Variants in MRPL57 observed in about 807,000 individuals in gnomAD.
MRPL57 encodes the protein large ribosomal subunit protein mL63.
A neutral mutation model predicts 1.3 loss-of-function variants in MRPL57; 1 was observed. The observed-to-expected ratio is 0.79, with a 90% CI of 0.28 to 3.75. The LOEUF is 3.75. MRPL57 is among the 30% of genes most tolerant of loss of function. The pLI is 0.19. For synonymous variants in MRPL57, 79 were observed against 61.7 expected (o/e 1.28, Z -1.31); for missense variants, 170 against 148.9 (o/e 1.14, Z -0.74).
chr13:21,177,115 A>G lies in MRPL57; in HGVS notation c.199A>G (p.Arg67Gly). The change falls in exon 2 of 2, where the codon AGG becomes GGG. Residue 67 changes from arginine (R) to glycine (G), a missense_variant. Coordinates refer to ENST00000309594, the MANE Select transcript of MRPL57 (RefSeq NM_024026.5). Reference sequence around the variant, plus strand: ...GGAGCGCGGCCACGCCGCGGTGCGCAGGAGGGAGGCCTTCGAGGCCATAAA... The same window carrying G: ...GGAGCGCGGCCACGCCGCGGTGCGCGGGAGGGAGGCCTTCGAGGCCATAAA... ...EQERGHAAVR[R>G]REAFEAIKAA... The G allele has an allele frequency of 6.2e-7, 1 of 1,613,928 alleles. No individual in the cohort carries two copies. The highest frequency in any genetic ancestry group is 1.1e-5 in the South Asian group (1 of 91,092).
rs762049299 is a variant in MRPL57 at position 21,177,148 on chromosome 13, G to A, written c.232G>A (p.Ala78Thr). 3 of 1,614,102 alleles carry A rather than the reference G, an allele frequency of 1.9e-6. No individual in the cohort carries two copies. Among genetic ancestry groups the A allele is most frequent in the Non-Finnish European group, 2.5e-6 (3 of 1,180,032 alleles). Reference sequence around the variant, plus strand: ...GGCCTTCGAGGCCATAAAGGCGGCCGCCACTTCCAAGTTCCCCCCGCATAG... The same window carrying A: ...GGCCTTCGAGGCCATAAAGGCGGCCACCACTTCCAAGTTCCCCCCGCATAG... ...REAFEAIKAA[A>T]TSKFPPHRFI... is the part of the protein sequence containing the mutation. The change falls in exon 2 of 2, where the codon GCC (alanine) becomes ACC (threonine). Residue 78 changes from alanine to threonine, a missense_variant. Ala to Thr is a moderately conservative substitution (Grantham distance 58, BLOSUM62 0). Coordinates refer to ENST00000309594, the MANE Select transcript of MRPL57 (RefSeq NM_024026.5).
Position 21,177,342 on chromosome 13 carries a change from A to G in MRPL57, c.*117A>G. 6.6e-6 allele frequency: 7 copies of G among 1,053,748 alleles called. No individual in the cohort carries two copies. The South Asian group carries it at 1.0e-4, about 15-fold the overall frequency. The allele number at this position is 1,053,748 out of a possible 1,614,324, so 65.3% of individuals were successfully genotyped here. On this transcript the variant is annotated 3_prime_UTR_variant, in exon 2 of 2. Coordinates refer to ENST00000309594, the MANE Select transcript of MRPL57 (RefSeq NM_024026.5). ...GAGCCTTTGGACCAGTCTTTATTAA[A>G]ACAAACAAACATGAGTAGTCTGCAT... is the stretch of plus-strand genomic sequence containing the variant.
chr13:21,177,294 A>C lies in MRPL57; in HGVS notation c.*69A>C. The C allele has an allele frequency of 6.6e-7, 1 of 1,515,402 alleles. No homozygotes were observed. Among genetic ancestry groups the C allele is most frequent in the African/African-American group, 1.4e-5 (1 of 72,280 alleles). The allele number at this position is 1,515,402 out of a possible 1,614,324, so 93.9% of individuals were successfully genotyped here. On this transcript the variant is annotated 3_prime_UTR_variant, in exon 2 of 2. Transcript: ENST00000309594. ...CATCTTTACCTGGTCCTGGAACTGA[A>C]AAACTGTAGCTTGTGTGAAAATGAG... is the stretch of plus-strand genomic sequence containing the variant.
Position 21,177,252 on chromosome 13 carries a change from T to G in MRPL57, c.*27T>G, listed in dbSNP as rs1405948655. On this transcript the variant is annotated 3_prime_UTR_variant, in exon 2 of 2. Coordinates refer to ENST00000309594, the MANE Select transcript of MRPL57 (RefSeq NM_024026.5). ...CCTGAGTCGTCACCCTTGGATTTTA[T>G]GGATCACGGAGCTGACCATCTTTAC... The G allele has an allele frequency of 6.2e-7, 1 of 1,610,268 alleles. No individual in the cohort carries two copies. Among genetic ancestry groups the G allele is most frequent in the East Asian group, 2.2e-5 (1 of 44,882 alleles).
Position 21,177,054 on chromosome 13 carries a change from T to C in MRPL57, c.138T>C (p.His46=). ...GCCTGGAGATCGAGGCGGAGAACCATTACTGGCTGAGCATGCCCTACATGA... is the reference window on the plus strand; with the variant it reads ...GCCTGGAGATCGAGGCGGAGAACCACTACTGGCTGAGCATGCCCTACATGA... ...IRRLEIEAEN[H]YWLSMPYMTR... Residue 46 remains histidine (H), a synonymous_variant, in exon 2 of 2, where the codon CAT becomes CAC. Transcript: ENST00000309594. 1 of 1,613,694 alleles carries C rather than the reference T, an allele frequency of 6.2e-7. No homozygotes were observed. Among genetic ancestry groups the C allele is most frequent in the Non-Finnish European group, 8.5e-7 (1 of 1,180,002 alleles).
chr13:21,176,712 C>T lies in MRPL57; in HGVS notation c.-11C>T, dbSNP rs79451242. On this transcript the variant is annotated 5_prime_UTR_variant, in exon 1 of 2. Transcript: ENST00000309594. ...CGGAGACGCAGAGTCTTGAGCAGCG[C>T]GGCAGGTGAGTAGCTGTGCGAATTC... 3.5e-4 allele frequency: 232 copies of T among 670,860 alleles called. 1 individual carries two copies. The African/African-American group carries it at 3.6e-3, about 11-fold the overall frequency. 41.6% of individuals were successfully genotyped at this position (670,860 alleles called of 1,614,324 possible).
rs1400940532 is a variant in MRPL57 at position 21,178,451 on chromosome 13, A to C, written c.*1226A>C. ...GAAAATTTAGGTGGGGAAAAAAATC[A>C]GAATTGCGTCTGTGGGAACAGGAAT... is the stretch of plus-strand genomic sequence containing the variant. On this transcript the variant is annotated 3_prime_UTR_variant, in exon 2 of 2. Transcript: ENST00000309594. 1 of 166,978 alleles carries C rather than the reference A, an allele frequency of 6.0e-6. No individual in the cohort carries two copies. The highest frequency in any genetic ancestry group is 1.5e-5 in the Non-Finnish European group (1 of 68,166). The allele number at this position is 166,978 out of a possible 1,614,324, so 10.3% of individuals were successfully genotyped here.
chr13:21,176,911 G>A lies in MRPL57; in HGVS notation c.-5-1G>A. 6.2e-7 allele frequency: 1 copy of A among 1,604,108 alleles called. No individual in the cohort carries two copies. The highest frequency in any genetic ancestry group is 8.5e-7 in the Non-Finnish European group (1 of 1,177,700). On this transcript the variant is annotated splice_acceptor_variant, in intron 1 of 1. Transcript: ENST00000309594. LOFTEE classifies it low-confidence loss of function (5UTR_SPLICE). The stretch of plus-strand genomic sequence containing the variant: ...GCAAAGCCCGTCCCTCTCTTCCGCA[G>A]GCACCATGTTCCTGACTGCGCTCCT...
At position 21,178,531 on chromosome 13, in the gene MRPL57, T is replaced by C. The variant is rs1347960722; in HGVS notation, c.*1306T>C. The C allele has an allele frequency of 3.0e-5, 5 of 166,940 alleles. No homozygotes were observed. The highest frequency in any genetic ancestry group is 5.9e-5 in the Non-Finnish European group (4 of 68,136). The allele number at this position is 166,940 out of a possible 1,614,324, so 10.3% of individuals were successfully genotyped here. ...CACACAAAGAACTTTGTCAAAGTTGTATGGCTGAGGCCCACACGGTGGCTC... is the reference window on the plus strand; with the variant it reads ...CACACAAAGAACTTTGTCAAAGTTGCATGGCTGAGGCCCACACGGTGGCTC... On this transcript the variant is annotated 3_prime_UTR_variant, in exon 2 of 2. Coordinates refer to ENST00000309594, the MANE Select transcript of MRPL57 (RefSeq NM_024026.5).
chr13:21,177,753 TGA>T lies in MRPL57; in HGVS notation c.*530_*531del. ...AGGAGTCCAAGGCGGGCGGATCACT[TGA>T]GGTCAGGAGTTCAAGACCAGCTTGG... On this transcript the variant is annotated 3_prime_UTR_variant, in exon 2 of 2. Coordinates refer to ENST00000309594, the MANE Select transcript of MRPL57 (RefSeq NM_024026.5). 1 of 171,752 alleles carries T rather than the reference TGA, an allele frequency of 5.8e-6. No individual in the cohort carries two copies. The highest frequency in any genetic ancestry group is 1.4e-5 in the Non-Finnish European group (1 of 71,682). 10.6% of individuals were successfully genotyped at this position (171,752 alleles called of 1,614,324 possible). A position where few individuals can be genotyped will look rare whatever the true frequency, so the allele number is the denominator to read the frequency against.
chr13:21,177,238 AC>A lies in MRPL57; in HGVS notation c.*16del. 1.2e-6 allele frequency: 2 copies of A among 1,612,442 alleles called. No individual in the cohort carries two copies. Among genetic ancestry groups the A allele is most frequent in the South Asian group, 2.2e-5 (2 of 90,962 alleles). ...GAAATGGTCCTAATCCTGAGTCGTC[AC>A]CCTTGGATTTTATGGATCACGGAGC... is the stretch of plus-strand genomic sequence containing the variant. On this transcript the variant is annotated 3_prime_UTR_variant, in exon 2 of 2. Transcript: ENST00000309594.
At position 21,177,195 on chromosome 13, in the gene MRPL57, C is replaced by T; in HGVS notation, c.279C>T (p.Asp93=). 1.2e-6 allele frequency: 2 copies of T among 1,614,100 alleles called. No homozygotes were observed. Among genetic ancestry groups the T allele is most frequent in the South Asian group, 2.2e-5 (2 of 91,080 alleles). Residue 93 remains aspartate, a synonymous_variant, in exon 2 of 2, where the codon GAC becomes GAT. Transcript: ENST00000309594. ...ATAGATTCATTGCGGACCAGCTCGA[C>T]CATCTCAATGTCACCAAGAAATGGT... The part of the protein sequence containing the change: ...PPHRFIADQL[D]HLNVTKKWS
At chr13:21,176,852 C>A (rs189720754) in intron 1 of MRPL57, 60 bp from the exon 2 acceptor site, 3 of 1,544,864 alleles carry the variant, frequency 1.9e-6, no homozygotes, top group Admixed American at 1.9e-5. Flanking sequence ...GCGCCCGCTG[C>A]TCTCTCCAGG....
Position 21,177,243 on chromosome 13 carries a change from T to C in MRPL57, c.*18T>C. 5 of 1,611,416 alleles carry C rather than the reference T, an allele frequency of 3.1e-6. No homozygotes were observed. Among genetic ancestry groups the C allele is most frequent in the Non-Finnish European group, 4.2e-6 (5 of 1,179,160 alleles). ...GGTCCTAATCCTGAGTCGTCACCCTTGGATTTTATGGATCACGGAGCTGAC... is the reference window on the plus strand; with the variant it reads ...GGTCCTAATCCTGAGTCGTCACCCTCGGATTTTATGGATCACGGAGCTGAC... On this transcript the variant is annotated 3_prime_UTR_variant, in exon 2 of 2. Transcript: ENST00000309594.
chr13:21,177,266 G>GA lies in MRPL57; in HGVS notation c.*42dup. The GA allele has an allele frequency of 6.3e-7, 1 of 1,597,678 alleles. No homozygotes were observed. Among genetic ancestry groups the GA allele is most frequent in the Non-Finnish European group, 8.6e-7 (1 of 1,168,934 alleles). On this transcript the variant is annotated 3_prime_UTR_variant, in exon 2 of 2. Transcript: ENST00000309594. ...CTTGGATTTTATGGATCACGGAGCT[G>GA]ACCATCTTTACCTGGTCCTGGAACT... is the stretch of plus-strand genomic sequence containing the variant.
In MRPL57 at chr13:21,177,129, C is replaced by T; in HGVS notation, c.213C>T (p.Phe71=). 1.2e-6 allele frequency: 2 copies of T among 1,613,954 alleles called. No individual in the cohort carries two copies. Among genetic ancestry groups the T allele is most frequent in the Non-Finnish European group, 8.5e-7 (1 of 1,180,016 alleles). The change falls in exon 2 of 2, where the codon TTC becomes TTT. Residue 71 remains phenylalanine (F), a synonymous_variant. Coordinates refer to ENST00000309594, the MANE Select transcript of MRPL57 (RefSeq NM_024026.5). ...GHAAVRRREA[F]EAIKAAATSK... ...CCGCGGTGCGCAGGAGGGAGGCCTT[C>T]GAGGCCATAAAGGCGGCCGCCACTT... is the stretch of plus-strand genomic sequence containing the variant.
rs1199733519 is a variant in MRPL57, at chr13:21,176,719, T to A, written c.-6+2T>A. On this transcript the variant is annotated splice_donor_variant, in intron 1 of 1. Transcript: ENST00000309594. LOFTEE classifies it low-confidence loss of function (5UTR_SPLICE). Reference sequence around the variant, plus strand: ...GCAGAGTCTTGAGCAGCGCGGCAGGTGAGTAGCTGTGCGAATTCGGTTCTC... The same window carrying A: ...GCAGAGTCTTGAGCAGCGCGGCAGGAGAGTAGCTGTGCGAATTCGGTTCTC... 1.9e-5 allele frequency: 13 copies of A among 671,044 alleles called. No individual in the cohort carries two copies. The highest frequency in any genetic ancestry group is 3.2e-5 in the Non-Finnish European group (13 of 405,478). The allele number at this position is 671,044 out of a possible 1,614,324, so 41.6% of individuals were successfully genotyped here.
chr13:21,176,834 T>C (rs1871584559), intron 1 of MRPL57, 78 bp from the exon 2 acceptor site: 2 of 1,475,334 alleles, frequency 1.4e-6, no homozygotes, highest in East Asian at 2.3e-5. Context: ...AGGCGTGAGC[T>C]GGAGCGCGCG....
rs911656816 is a variant in MRPL57, at chr13:21,177,168, G to T, written c.252G>T (p.Pro84=). ...IKAAATSKFP[P]HRFIADQLDH... ...CGGCCGCCACTTCCAAGTTCCCCCC[G>T]CATAGATTCATTGCGGACCAGCTCG... The change falls in exon 2 of 2, where the codon CCG becomes CCT. Residue 84 remains proline, a synonymous_variant. Coordinates refer to ENST00000309594, the MANE Select transcript of MRPL57 (RefSeq NM_024026.5). 3 of 1,614,026 alleles carry T rather than the reference G, an allele frequency of 1.9e-6. No homozygotes were observed. Among genetic ancestry groups the T allele is most frequent in the East Asian group, 2.2e-5 (1 of 44,886 alleles).
Sources: gnomAD v4.1 joint callset for allele counts on GRCh38, gnomAD v4.1.1 for gene constraint, MANE v1.5 for transcripts, NCBI Gene and HGNC (gene_info 2026-07-23, HGNC 2026-07-21) for gene names.